Variants in POP4 observed in about 807,000 individuals in gnomAD.
POP4 encodes ribonuclease P protein subunit p29.
POP4 carries 31 observed loss-of-function variants against 29.9 expected under a neutral mutation model. The ratio of observed to expected loss-of-function variants is 1.04; its 90% CI spans 0.78 to 1.40. POP4 has a LOEUF of 1.40. Ranked by LOEUF, POP4 falls within the 40% of genes most tolerant of loss-of-function variation. POP4 has a pLI of 0.00. For missense variants in POP4, 286 were observed against 282.7 expected, an observed-to-expected ratio of 1.01 and a Z score of -0.08; for synonymous variants, 110 against 108.2, an observed-to-expected ratio of 1.02 and a Z score of -0.10.
rs1224602845 is a variant in POP4 at position 29,606,301 on chromosome 19, G to C, written c.-18G>C. ...AGCTGCCAGTGCGTCATCAGAGAGCGCCGGAAGCGGTCCGAGAATGAAGAG... is the reference window on the plus strand; with the variant it reads ...AGCTGCCAGTGCGTCATCAGAGAGCCCCGGAAGCGGTCCGAGAATGAAGAG... On this transcript the variant is annotated 5_prime_UTR_variant, in exon 1 of 7. Coordinates refer to ENST00000585603, the MANE Select transcript of POP4 (RefSeq NM_006627.3). The C allele has an allele frequency of 1.2e-6, 2 of 1,603,326 alleles. No individual in the cohort carries two copies. The highest frequency in any genetic ancestry group is 1.7e-6 in the Non-Finnish European group (2 of 1,175,466).
intron 6 of POP4, 107 bp from the exon 7 acceptor site, chr19:29,615,136 AT>A: frequency 1.5e-6 from 2 of 1,303,684 alleles, no homozygotes; most frequent in Non-Finnish European, 1.0e-6. Context: ...CTATTAGCTT[AT>A]TTTTTTCATT....
In POP4 at chr19:29,615,395, A is replaced by T; in HGVS notation, c.*15A>T. ...TTGACCTGTGAATTCTTTGCCGTCT[A>T]AGGCAGTTGTTTATGACAGCTGAAA... On this transcript the variant is annotated 3_prime_UTR_variant, in exon 7 of 7. Coordinates refer to ENST00000585603, the MANE Select transcript of POP4 (RefSeq NM_006627.3). The T allele has an allele frequency of 6.2e-7, 1 of 1,610,656 alleles. No individual in the cohort carries two copies. The highest frequency in any genetic ancestry group is 8.5e-7 in the Non-Finnish European group (1 of 1,178,246).
Position 29,615,271 on chromosome 19 carries a change from CTG to C in POP4, c.557_558del (p.Val186GlyfsTer20). The C allele has an allele frequency of 6.4e-7, 1 of 1,563,216 alleles. No homozygotes were observed. Among genetic ancestry groups the C allele is most frequent in the Non-Finnish European group, 8.7e-7 (1 of 1,149,938 alleles). ...ATCCCCAAGCTAAACTGCGTGTTCA[CTG>C]TGGAAACCGATGGCTTTATTTCCTA... On this transcript the variant is annotated frameshift_variant, in exon 7 of 7. Transcript: ENST00000585603. LOFTEE classifies it high-confidence loss of function.
chr19:29,610,739 G>T, intron 3 of POP4, 107 bp downstream of exon 3: 1 of 1,136,538 alleles, frequency 8.8e-7, no homozygotes, highest in Non-Finnish European at 1.2e-6. Flanking sequence ...AAGCTAAGGG[G>T]GCCTCTCTGT....
At position 29,611,815 on chromosome 19, in the gene POP4, C is replaced by T. The variant is rs754290339; in HGVS notation, c.285-47C>T. The T allele has an allele frequency of 3.3e-6, 5 of 1,511,412 alleles. No homozygotes were observed. The Admixed American group carries it at 8.4e-5, about 25-fold the overall frequency. 93.6% of individuals were successfully genotyped at this position (1,511,412 alleles called of 1,614,324 possible). A position where few individuals can be genotyped will look rare whatever the true frequency, so the allele number is the denominator to read the frequency against. The stretch of plus-strand genomic sequence containing the variant: ...CTGTGCTATTTGGACATTGTCATCC[C>T]AAGCTCATGTTGTCTAACTTTTTCC... On this transcript the variant is annotated intron_variant, in intron 3 of 6. Transcript: ENST00000585603.
chr19:29,615,230 T>G lies in POP4; in HGVS notation c.527-14T>G. ...CATCTTTTTTTCTCCTGCCTTTTTT[T>G]TTTTTTTTTTCAGTTATCCCCAAGC... On this transcript the variant is annotated splice_polypyrimidine_tract_variant and intron_variant, in intron 6 of 6. Transcript: ENST00000585603. The G allele has an allele frequency of 6.6e-7, 1 of 1,510,552 alleles. No individual in the cohort carries two copies. Among genetic ancestry groups the G allele is most frequent in the Admixed American group, 2.4e-5 (1 of 41,832 alleles). The allele number at this position is 1,510,552 out of a possible 1,614,324, so 93.6% of individuals were successfully genotyped here.
rs1367543298 is a variant in POP4 at position 29,615,603 on chromosome 19, T to C, written c.*223T>C. ...TTCTCTTTCTAGGAGATTTTCATTTTGTGTGACTCCCATGGGGAGGAACAG... is the reference window on the plus strand; with the variant it reads ...TTCTCTTTCTAGGAGATTTTCATTTCGTGTGACTCCCATGGGGAGGAACAG... On this transcript the variant is annotated 3_prime_UTR_variant, in exon 7 of 7. Coordinates refer to ENST00000585603, the MANE Select transcript of POP4 (RefSeq NM_006627.3). 4.4e-6 allele frequency: 2 copies of C among 458,616 alleles called. No homozygotes were observed. The highest frequency in any genetic ancestry group is 7.6e-5 in the Admixed American group (2 of 26,404). The allele number at this position is 458,616 out of a possible 1,614,324, so 28.4% of individuals were successfully genotyped here.
Position 29,615,453 on chromosome 19 carries a change from G to T in POP4, c.*73G>T. 1 of 1,535,382 alleles carries T rather than the reference G, an allele frequency of 6.5e-7. No individual in the cohort carries two copies. On this transcript the variant is annotated 3_prime_UTR_variant, in exon 7 of 7. Transcript: ENST00000585603. The stretch of plus-strand genomic sequence containing the variant: ...ACTCCCTAAATGTCCACCTTTCAGT[G>T]AAGAGATAGTTAAGCCAATTCCATT...
At position 29,613,473 on chromosome 19, in the gene POP4, C is replaced by T. The variant is rs73927203; in HGVS notation, c.425-398C>T. On this transcript the variant is annotated intron_variant, in intron 5 of 6. Coordinates refer to ENST00000585603, the MANE Select transcript of POP4 (RefSeq NM_006627.3). ...CTGGGCAGCTCTGCAGCCACACTCA[C>T]GTTCCAGCCAGCATCCTGGGCAGTG... 5.0e-3 allele frequency among the ~76,000 whole-genome samples: 760 copies of T among 152,332 alleles called. 9 individuals carry two copies. The highest frequency in any genetic ancestry group is 0.017 in the African/African-American group (719 of 41,578).
chr19:29,613,992 G>A lies in POP4; in HGVS notation c.526+20G>A, dbSNP rs112204188. The A allele has an allele frequency of 7.5e-6, 12 of 1,602,134 alleles. No homozygotes were observed. In the South Asian group the frequency reaches 9.0e-5, roughly 12 times the overall value. On this transcript the variant is annotated intron_variant, in intron 6 of 6. Transcript: ENST00000585603. ...TGAAAGGTATGTAGGTGTTTCTGAG[G>A]GCATTGCTTGCGGGCTGTGGCTCCC...
rs1402295237 is a variant in POP4 at position 29,612,124 on chromosome 19, C to G, written c.370C>G (p.Gln124Glu). 6.2e-7 allele frequency: 1 copy of G among 1,608,534 alleles called. No homozygotes were observed. Among genetic ancestry groups the G allele is most frequent in the Non-Finnish European group, 8.5e-7 (1 of 1,178,504 alleles). Reference sequence around the variant, plus strand: ...CTTCTGTTTACCCTGCAGGCAGCCACAGATGATTCAGGCCAAGCTCTTAAA... The same window carrying G: ...CTTCTGTTTACCCTGCAGGCAGCCAGAGATGATTCAGGCCAAGCTCTTAAA... The part of the protein sequence containing the change: ...CSGLKPDTQP[Q>E]MIQAKLLKAD... The change falls in exon 5 of 7, where the codon CAG (glutamine) becomes GAG (glutamate). Residue 124 changes from glutamine (Q) to glutamate (E), a missense_variant. By Grantham distance (29) the Gln-to-Glu change is conservative (BLOSUM62 2). Coordinates refer to ENST00000585603, the MANE Select transcript of POP4 (RefSeq NM_006627.3).
intron 1 of POP4, among the ~76,000 whole-genome samples, chr19:29,608,262 C>CTTTTCTTTTTTTTTTTTTTTT (rs1491529433): frequency 1.2e-5 from 1 of 86,578 alleles, no homozygotes; most frequent in Non-Finnish European, 2.1e-5. Flanking sequence ...CTTTTCTTTT[C>CTTTTCTTTTTTTTTTTTTTTT]TTTTTTTTTT....
intron 6 of POP4, 142 bp from the exon 7 acceptor site, chr19:29,615,102 C>A: frequency 2.0e-6 from 2 of 1,004,148 alleles, no homozygotes; most frequent in Non-Finnish European, 2.8e-6. Context: ...CCTAATGCCC[C>A]TCCCCTTGTG....
chr19:29,608,009 A>G (rs1410214059), intron 1 of POP4, among the ~76,000 whole-genome samples: 3 of 152,234 alleles, frequency 2.0e-5, no homozygotes, highest in Non-Finnish European at 4.4e-5. Flanking sequence ...TTAAACACTC[A>G]GGATCTAGGG....
At chr19:29,608,521 T>C (rs112237621) in intron 1 of POP4, 136 bp from the exon 2 acceptor site, 17,596 of 791,940 alleles carry the variant, frequency 0.022, 432 homozygotes, top group South Asian at 0.081. Context: ...CCGCCCGCCT[T>C]GGCCTCCCAA....
chr19:29,608,561 C>A, intron 1 of POP4, 96 bp from the exon 2 acceptor site: 3 of 1,265,498 alleles, frequency 2.4e-6, no homozygotes, highest in East Asian at 2.3e-5. Context: ...TGAGCCACTG[C>A]GCCTAGTGGC....
intron 6 of POP4, 77 bp downstream of exon 6, chr19:29,614,049 C>G: frequency 1.3e-6 from 2 of 1,537,738 alleles, no homozygotes; most frequent in Admixed American, 2.2e-5. Flanking sequence ...CTCAAGGCTC[C>G]AAGAGTTTGA....
intron 6 of POP4, among the ~76,000 whole-genome samples, chr19:29,614,564 G>A (rs1326653803): frequency 1.3e-5 from 2 of 149,460 alleles, no homozygotes; most frequent in East Asian, 3.9e-4. Flanking sequence ...GAGTGCAGTG[G>A]CACAATCTCG....
In POP4 at chr19:29,615,246, A is replaced by ATTTT; in HGVS notation, c.530_531insTTTT (p.Pro178PhefsTer30). On this transcript the variant is annotated frameshift_variant, in exon 7 of 7. Coordinates refer to ENST00000585603, the MANE Select transcript of POP4 (RefSeq NM_006627.3). LOFTEE classifies it high-confidence loss of function. ...GCCTTTTTTTTTTTTTTTTTCAGTT[A>ATTTT]TCCCCAAGCTAAACTGCGTGTTCAC... is the stretch of plus-strand genomic sequence containing the variant. 4.0e-6 allele frequency: 5 copies of ATTTT among 1,240,044 alleles called. No individual in the cohort carries two copies. Among genetic ancestry groups the ATTTT allele is most frequent in the East Asian group, 3.1e-5 (1 of 32,672 alleles). The allele number at this position is 1,240,044 out of a possible 1,614,324, so 76.8% of individuals were successfully genotyped here. A position where few individuals can be genotyped will look rare whatever the true frequency, so the allele number is the denominator to read the frequency against.
Sources: allele counts gnomAD v4.1 joint callset (sites outside exome capture counted in the v4.1 genomes callset), GRCh38; gene constraint gnomAD v4.1.1; transcripts MANE v1.5; gene names NCBI Gene and HGNC (gene_info 2026-07-23, HGNC 2026-07-21).